The following CUX2 variants were observed in gnomAD, a reference collection of about 807,000 sequenced individuals.
CUX2 encodes homeobox protein cut-like 2.
A neutral mutation model predicts 144.8 loss-of-function variants in CUX2; 40 were observed. That is an observed-to-expected ratio of 0.28 (90% CI 0.21 to 0.36). The LOEUF (loss-of-function observed/expected upper bound fraction) is 0.36. Among genes scored for constraint, CUX2 ranks in the 10% least tolerant of loss-of-function variants. The pLI, the probability that CUX2 is intolerant of heterozygous loss-of-function variation, is 1.00. For synonymous variants in CUX2, 827 were observed against 875.6 expected, an observed-to-expected ratio of 0.94 and a Z score of 0.98; for missense variants, 1,615 against 1,994.0, an observed-to-expected ratio of 0.81 and a Z score of 3.62.
intron 3 of CUX2, among the ~76,000 whole-genome samples, chr12:111,220,782 T>TAAA (rs1881810656): frequency 1.4e-5 from 1 of 70,846 alleles, no homozygotes; most frequent in African/African-American, 5.5e-5. Context: ...AAAAAAAAAT[T>TAAA]TAAATGAGCT....
rs1376703706 is a variant in CUX2, at chr12:111,178,819, A to T, written c.64-35381A>T. Among the ~76,000 whole-genome samples, 1 of 151,868 alleles carries T rather than the reference A, an allele frequency of 6.6e-6. No individual in the cohort carries two copies. The highest frequency in any genetic ancestry group is 6.6e-5 in the Admixed American group (1 of 15,244). ...GCGCAGGGGCCGTGGGGGCTTGGGG[A>T]TGTCCTGTGGTGGTGATATCCCAGG... On this transcript the variant is annotated intron_variant, in intron 1 of 21. Transcript: ENST00000261726. This position sits in a 1 kb window ranked among gnomAD's most constrained non-coding sequence, Gnocchi z 5.7.
chr12:111,181,999 C>T (rs1261883768), intron 1 of CUX2, among the ~76,000 whole-genome samples: 3 of 152,090 alleles, frequency 2.0e-5, no homozygotes, highest in East Asian at 1.9e-4. Context: ...GGATTATCTC[C>T]GACGGGTGCA....
chr12:111,345,444 C>CAA (rs34883804), intron 21 of CUX2, among the ~76,000 whole-genome samples: 5 of 60,596 alleles, frequency 8.3e-5, no homozygotes, highest in African/African-American at 2.1e-4. Context: ...GACTCCATCT[C>CAA]AAAAAAAAAA....
intron 1 of CUX2, among the ~76,000 whole-genome samples, chr12:111,157,697 G>A (rs532376735): frequency 4.6e-5 from 7 of 152,184 alleles, no homozygotes; most frequent in African/African-American, 1.7e-4. Flanking sequence ...GTCTACCATG[G>A]ACACGGGAGG....
chr12:111,055,188 T>C (rs1870461917), intron 1 of CUX2, among the ~76,000 whole-genome samples: 1 of 152,260 alleles, frequency 6.6e-6, no homozygotes, highest in African/African-American at 2.4e-5. Flanking sequence ...AAAGGTCTAA[T>C]GTGATGATGG....
At chr12:111,195,027 C>T (rs1880154259) in intron 1 of CUX2, among the ~76,000 whole-genome samples, 1 of 152,186 alleles carries the variant, frequency 6.6e-6, no homozygotes, top group Non-Finnish European at 1.5e-5. Flanking sequence ...GTGTCAAACT[C>T]CTATCCCTTA....
At chr12:111,242,382 T>G (rs1210267750) in intron 3 of CUX2, among the ~76,000 whole-genome samples, 1 of 152,222 alleles carries the variant, frequency 6.6e-6, no homozygotes, top group African/African-American at 2.4e-5. Flanking sequence ...TGCACATTCG[T>G]TCACATATTT....
At chr12:111,145,697 T>G (rs1394188181) in intron 1 of CUX2, among the ~76,000 whole-genome samples, 2 of 151,860 alleles carry the variant, frequency 1.3e-5, no homozygotes, top group African/African-American at 4.8e-5. Context: ...GACTCCATCT[T>G]GCTCTGTCAC....
intron 3 of CUX2, among the ~76,000 whole-genome samples, chr12:111,226,910 A>T (rs1310935234): frequency 1.3e-5 from 2 of 152,238 alleles, no homozygotes; most frequent in African/African-American, 4.8e-5. Context: ...GGACTGCATT[A>T]TGGAAGGCCG....
chr12:111,037,035 T>G lies in CUX2; in HGVS notation c.63+2795T>G, dbSNP rs1042143688. On this transcript the variant is annotated intron_variant, in intron 1 of 21. Transcript: ENST00000261726. The surrounding 1 kb of genome is among the most constrained non-coding windows in gnomAD (Gnocchi z 5.4). ...TACGACACACTTTTATTTTCATTTTTTGCCCCTCCCCTACTTTCCTCTTAT... is the reference window on the plus strand; with the variant it reads ...TACGACACACTTTTATTTTCATTTTGTGCCCCTCCCCTACTTTCCTCTTAT... Among the ~76,000 whole-genome samples the G allele has an allele frequency of 6.6e-6, 1 of 152,176 alleles. No homozygotes were observed. The highest frequency in any genetic ancestry group is 1.5e-5 in the Non-Finnish European group (1 of 68,038).
chr12:111,139,388 A>T (rs891639938), intron 1 of CUX2, among the ~76,000 whole-genome samples: 3 of 152,092 alleles, frequency 2.0e-5, no homozygotes, highest in African/African-American at 4.8e-5. Flanking sequence ...CTGGCCTGGG[A>T]TGAGCTGCAG....
intron 1 of CUX2, among the ~76,000 whole-genome samples, chr12:111,081,118 C>T (rs1457902906): frequency 6.6e-6 from 1 of 152,134 alleles, no homozygotes; most frequent in Non-Finnish European, 1.5e-5. Flanking sequence ...CAGCCCTCAC[C>T]ATGCTGTCAC....
intron 1 of CUX2, among the ~76,000 whole-genome samples, chr12:111,181,634 A>T (rs1469726976): frequency 1.3e-5 from 2 of 152,246 alleles, no homozygotes; most frequent in Non-Finnish European, 2.9e-5. Context: ...CACCAGCTCC[A>T]TTGCCAGGCA....
At position 111,171,164 on chromosome 12, in the gene CUX2, G is replaced by T. The variant is rs549869949; in HGVS notation, c.64-43036G>T. Among the ~76,000 whole-genome samples, 1 of 152,152 alleles carries T rather than the reference G, an allele frequency of 6.6e-6. No homozygotes were observed. The highest frequency in any genetic ancestry group is 2.4e-5 in the African/African-American group (1 of 41,436). The stretch of plus-strand genomic sequence containing the variant: ...TGGCTGATTCCACTTGGGGGTGACA[G>T]AGATGGAGAAGTTGGGCAACCCCCA... On this transcript the variant is annotated intron_variant, in intron 1 of 21. Coordinates refer to ENST00000261726, the MANE Select transcript of CUX2 (RefSeq NM_015267.4). This position sits in a 1 kb window ranked among gnomAD's most constrained non-coding sequence, Gnocchi z 5.0.
At chr12:111,183,513 T>C (rs1436392839) in intron 1 of CUX2, among the ~76,000 whole-genome samples, 1 of 152,238 alleles carries the variant, frequency 6.6e-6, no homozygotes, top group Non-Finnish European at 1.5e-5. Flanking sequence ...TTTACCTGGC[T>C]GGGAGCCAGA....
intron 1 of CUX2, among the ~76,000 whole-genome samples, chr12:111,091,044 G>T (rs568260971): frequency 6.6e-6 from 1 of 152,136 alleles, no homozygotes; most frequent in Non-Finnish European, 1.5e-5. Context: ...GTCTGTGCCC[G>T]GCTGCGCCGT....
Position 111,322,906 on chromosome 12 carries a change from G to A in CUX2, c.2926+326G>A, listed in dbSNP as rs1414412994. Reference sequence around the variant, plus strand: ...TTTTGCATGTGGAGTCCCACATCTGGAATTGCTCATCGATCTCAGCTCTGT... The same window carrying A: ...TTTTGCATGTGGAGTCCCACATCTGAAATTGCTCATCGATCTCAGCTCTGT... On this transcript the variant is annotated intron_variant, in intron 18 of 21. Coordinates refer to ENST00000261726, the MANE Select transcript of CUX2 (RefSeq NM_015267.4). This position sits in a 1 kb window ranked among gnomAD's most constrained non-coding sequence, Gnocchi z 4.2. 6.6e-6 allele frequency among the ~76,000 whole-genome samples: 1 copy of A among 152,212 alleles called. No homozygotes were observed. The highest frequency in any genetic ancestry group is 6.5e-5 in the Admixed American group (1 of 15,270).
chr12:111,048,564 G>A (rs565713298), intron 1 of CUX2, among the ~76,000 whole-genome samples: 1 of 152,312 alleles, frequency 6.6e-6, no homozygotes, highest in East Asian at 1.9e-4. Flanking sequence ...TTCTCTCCTG[G>A]ACATAGAGCT....
intron 1 of CUX2, among the ~76,000 whole-genome samples, chr12:111,168,359 C>T (rs1878290031): frequency 6.6e-6 from 1 of 152,228 alleles, no homozygotes; most frequent in African/African-American, 2.4e-5. Flanking sequence ...CTGCCTGTCA[C>T]CTGTCCCCTG....
Sources: allele counts gnomAD v4.1 joint callset (sites outside exome capture counted in the v4.1 genomes callset), GRCh38; gene constraint gnomAD v4.1.1; non-coding constraint Gnocchi (gnomAD v3.1); transcripts MANE v1.5; gene names NCBI Gene and HGNC (gene_info 2026-07-23, HGNC 2026-07-21).